The following RNF128 variants were observed in gnomAD, a reference collection of about 807,000 sequenced individuals.
RNF128 encodes the protein ring finger protein 128.
RNF128 carries 13 observed loss-of-function variants against 26.2 expected under a neutral mutation model. The ratio of observed to expected loss-of-function variants is 0.50; its 90% CI spans 0.32 to 0.79. The LOEUF is 0.79. Ranked by LOEUF, RNF128 falls within the 30% of genes least tolerant of loss-of-function variation. RNF128 has a pLI of 0.03. For synonymous variants in RNF128, 149 were observed against 142.5 expected (o/e 1.05, Z -0.32); for missense variants, 315 against 349.7 (o/e 0.90, Z 0.79).
intron 1 of RNF128, among the ~76,000 whole-genome samples, chrX:106,760,998 G>A (rs1323662174): frequency 1.8e-5 from 2 of 111,826 alleles, no homozygotes; most frequent in African/African-American, 6.5e-5. Context: ...TACAGAATGG[G>A]AGAAAATATT....
At chrX:106,774,683 C>T (rs1300732471) in intron 2 of RNF128, among the ~76,000 whole-genome samples, 1 of 112,099 alleles carries the variant, frequency 8.9e-6, no homozygotes, top group Non-Finnish European at 1.9e-5. Context: ...CAGTCAAAGC[C>T]ACCATAATTT....
At position 106,791,103 on chromosome X, in the gene RNF128, C is replaced by T. The variant is rs749680552; in HGVS notation, c.1022C>T (p.Pro341Leu). The change falls in exon 6 of 7, where the codon CCT (proline) becomes CTT (leucine). Residue 341 changes from proline (P) to leucine (L), a missense_variant. By Grantham distance (98) the Pro-to-Leu change is moderately conservative (BLOSUM62 -3). Coordinates refer to ENST00000255499, the MANE Select transcript of RNF128 (RefSeq NM_194463.2). ...VEDGSVSLQV[P>L]VSNEISNSAS... ...GATGGATCAGTGTCTTTACAAGTCCCTGTATCCAATGAAATATCTAATAGT... is the reference window on the plus strand; with the variant it reads ...GATGGATCAGTGTCTTTACAAGTCCTTGTATCCAATGAAATATCTAATAGT... 8.3e-6 allele frequency: 10 copies of T among 1,207,869 alleles called. No homozygotes were observed. The highest frequency in any genetic ancestry group is 1.7e-5 in the African/African-American group (1 of 57,592).
chrX:106,783,857 C>T (rs12392745), intron 2 of RNF128, among the ~76,000 whole-genome samples: 15,169 of 109,916 alleles, frequency 0.14, 2,631 homozygotes, highest in African/African-American at 0.48. Flanking sequence ...AGGGAGCAGG[C>T]GCCAGGCTCT....
chrX:106,731,679 C>G (rs1929505442), intron 1 of RNF128, among the ~76,000 whole-genome samples: 1 of 111,291 alleles, frequency 9.0e-6, no homozygotes, highest in African/African-American at 3.3e-5. Context: ...TGTTTCATTA[C>G]TATTTTATTA....
upstream of RNF128, among the ~76,000 whole-genome samples, chrX:106,725,873 C>A (rs1300096874): frequency 8.9e-6 from 1 of 112,801 alleles, no homozygotes; most frequent in Non-Finnish European, 1.9e-5. Flanking sequence ...TAATAGTTGA[C>A]AGGGTAGACA....
upstream of RNF128, among the ~76,000 whole-genome samples, chrX:106,722,856 G>C (rs1057293846): frequency 3.6e-5 from 4 of 111,157 alleles, no homozygotes; most frequent in African/African-American, 9.8e-5. Context: ...AGGGTTGCTC[G>C]GTGAGGATGA....
intron 1 of RNF128, among the ~76,000 whole-genome samples, chrX:106,750,327 C>A (rs748534247): frequency 8.9e-6 from 1 of 112,048 alleles, no homozygotes; most frequent in Non-Finnish European, 1.9e-5. Context: ...CTTTAGGTTT[C>A]ATTGAAGATA....
intron 1 of RNF128, among the ~76,000 whole-genome samples, chrX:106,745,237 C>T (rs1929774674): frequency 9.0e-6 from 1 of 111,557 alleles, no homozygotes; most frequent in Admixed American, 9.6e-5. Flanking sequence ...AGAAAGGCAA[C>T]TTGCTGTACT....
At chrX:106,726,268 C>G (rs2147667530), upstream of RNF128, among the ~76,000 whole-genome samples, 1 of 110,742 alleles carries the variant, frequency 9.0e-6, no homozygotes, top group Admixed American at 9.5e-5. Context: ...CCCTTCCCCC[C>G]TCTAGAGAAT....
At chrX:106,710,687 G>A (rs1245740388) in intron 1 of RNF128, among the ~76,000 whole-genome samples, 2 of 103,813 alleles carry the variant, frequency 1.9e-5, no homozygotes, top group Non-Finnish European at 3.9e-5. Context: ...AACCCAGGAG[G>A]CAGAGGTTGC....
At chrX:106,725,382 T>C (rs1272982569), upstream of RNF128, among the ~76,000 whole-genome samples, 1 of 112,051 alleles carries the variant, frequency 8.9e-6, no homozygotes, top group Non-Finnish European at 1.9e-5. Flanking sequence ...GAGTATCAAG[T>C]ACAGAATTGG....
At chrX:106,722,206 A>G (rs1929324959), upstream of RNF128, among the ~76,000 whole-genome samples, 1 of 111,273 alleles carries the variant, frequency 9.0e-6, no homozygotes, top group South Asian at 3.9e-4. Context: ...CTTCCCAACA[A>G]GAAAAGTGTA....
At chrX:106,759,239 C>T (rs960673598) in intron 1 of RNF128, among the ~76,000 whole-genome samples, 6 of 111,521 alleles carry the variant, frequency 5.4e-5, no homozygotes, top group Non-Finnish European at 9.4e-5. Context: ...GAGATATTAT[C>T]TCATCCCAGT....
chrX:106,763,143 G>C, intron 1 of RNF128, among the ~76,000 whole-genome samples: 1 of 108,897 alleles, frequency 9.2e-6, no homozygotes, highest in Non-Finnish European at 1.9e-5. Context: ...AAGCAGAAAG[G>C]TCAACTCTAA....
At chrX:106,731,521 G>T (rs1466548618) in intron 1 of RNF128, among the ~76,000 whole-genome samples, 1 of 111,256 alleles carries the variant, frequency 9.0e-6, no homozygotes, top group Non-Finnish European at 1.9e-5. Flanking sequence ...AAAGGGATTG[G>T]CCAGTGATGA....
chrX:106,779,331 C>A (rs1395367350), intron 2 of RNF128, among the ~76,000 whole-genome samples: 2 of 102,603 alleles, frequency 1.9e-5, no homozygotes, highest in African/African-American at 7.3e-5. Context: ...ATTAATACAT[C>A]TATCCCTACA....
chrX:106,763,530 G>A (rs1602383216), intron 1 of RNF128, among the ~76,000 whole-genome samples: 1 of 112,736 alleles, frequency 8.9e-6, no homozygotes, highest in African/African-American at 3.2e-5. Flanking sequence ...TCGTTGAGAC[G>A]GAGTCTCGCT....
Position 106,713,851 on chromosome X carries a change from G to T in RNF128, c.406+19443G>T, listed in dbSNP as rs183871253. Among the ~76,000 whole-genome samples, 18 of 111,092 alleles carry T rather than the reference G, an allele frequency of 1.6e-4. No homozygotes were observed. In the East Asian group the frequency reaches 5.1e-3, roughly 32 times the overall value. ...GTACCTAGGTTTCATCAAATTTTCA[G>T]AGGTAACTCTGACCTCAGAAAGGTT... is the stretch of plus-strand genomic sequence containing the variant. On this transcript the variant is annotated intron_variant, in intron 1 of 6. Transcript: ENST00000324342.
rs767627809 is a variant in RNF128, at chrX:106,795,599, A to G, written c.1173A>G (p.Val391=). 11 of 1,198,743 alleles carry G rather than the reference A, an allele frequency of 9.2e-6. No homozygotes were observed. In the Admixed American group the frequency reaches 2.5e-4, roughly 27 times the overall value. Residue 391 remains valine (V), a synonymous_variant, in exon 7 of 7, where the codon GTA becomes GTG. Transcript: ENST00000255499. ...TTAAAGATGAAAGTCTACAGCTGGT[A>G]AACCATGAAGCAAATTCTGTGGCAG... ...VQSTNESLQL[V]NHEANSVAVD... is the part of the protein sequence containing the mutation.
Sources: gnomAD v4.1 joint callset for allele counts (sites outside exome capture counted in the v4.1 genomes callset) on GRCh38, gnomAD v4.1.1 for gene constraint, MANE v1.5 for transcripts, NCBI Gene and HGNC (gene_info 2026-07-23, HGNC 2026-07-21) for gene names.